AVEN: variants seen among roughly 807,000 people sequenced by gnomAD.
AVEN encodes the protein apoptosis and caspase activation inhibitor, also known as cell death regulator Aven.
A neutral mutation model predicts 38.1 loss-of-function variants in AVEN; 41 were observed. The observed-to-expected ratio is 1.08, with a 90% CI of 0.84 to 1.40. The LOEUF is 1.40. Among genes scored for constraint, AVEN ranks in the 40% most tolerant of loss-of-function variants. The pLI, the probability that AVEN is intolerant of heterozygous loss-of-function variation, is 0.00. For synonymous variants in AVEN, 206 were observed against 171.8 expected (o/e 1.20, Z -1.56); for missense variants, 605 against 438.8 (o/e 1.38, Z -3.38).
Position 34,053,319 on chromosome 15 carries a change from AATAT to A in AVEN, n.1637+9599_1637+9602del, listed in dbSNP as rs71119922. 6.6e-3 allele frequency among the ~76,000 whole-genome samples: 276 copies of A among 42,056 alleles called. 8 individuals carry two copies. Among genetic ancestry groups the A allele is most frequent in the African/African-American group, 0.014 (180 of 12,560 alleles). 27.6% of individuals were successfully genotyped at this position (42,056 alleles called of 152,430 possible). A position where few individuals can be genotyped will look rare whatever the true frequency, so the allele number is the denominator to read the frequency against. ...CATCTCAAAAAAAAAAAAAAAAAAA[AATAT>A]ATATATATATATATATATATGGAAC... On this transcript the variant is annotated intron_variant and non_coding_transcript_variant, in intron 5 of 11. Coordinates refer to the AVEN transcript ENST00000675287.
At chr15:33,977,972 A>G (rs1257965648) in intron 2 of AVEN, among the ~76,000 whole-genome samples, 1 of 150,828 alleles carries the variant, frequency 6.6e-6, no homozygotes, top group East Asian at 2.0e-4. Context: ...AGAGAAAGAG[A>G]AAAGGAAAAA....
chr15:33,896,955 T>C (rs779321913), intron 2 of AVEN, among the ~76,000 whole-genome samples: 2 of 152,112 alleles, frequency 1.3e-5, no homozygotes, highest in Non-Finnish European at 2.9e-5. Context: ...TAGCGTGCAA[T>C]GACACTCAAA....
chr15:33,875,275 G>A (rs957771624), intron 3 of AVEN, among the ~76,000 whole-genome samples: 3 of 152,168 alleles, frequency 2.0e-5, no homozygotes, highest in Admixed American at 1.3e-4. Flanking sequence ...GAGTTGGGGA[G>A]CATATCACAA....
chr15:33,857,962 C>T, downstream of AVEN: 2 of 1,605,924 alleles, frequency 1.2e-6, no homozygotes, highest in Non-Finnish European at 1.7e-6. Context: ...GCGGGGCCAC[C>T]CCGCCCCACC....
chr15:34,007,827 A>G (rs900049027), intron 1 of AVEN, among the ~76,000 whole-genome samples: 1 of 152,176 alleles, frequency 6.6e-6, no homozygotes, highest in African/African-American at 2.4e-5. Flanking sequence ...GGGAGAATCT[A>G]TTCCATGACC....
Position 33,940,628 on chromosome 15 carries a change from G to A in AVEN, c.445+62404C>T, listed in dbSNP as rs190753202. ...ACGATCTCAGCTCACTGCAACCTCC[G>A]CCTCTCGGGTTCAAGCGATTCTCCT... On this transcript the variant is annotated intron_variant, in intron 2 of 5. Transcript: ENST00000306730. Among the ~76,000 whole-genome samples the A allele has an allele frequency of 1.9e-3, 295 of 152,004 alleles. 2 individuals carry two copies. Among genetic ancestry groups the A allele is most frequent in the Middle Eastern group, 0.017 (5 of 294 alleles).
chr15:33,976,972 A>G (rs901738754), intron 2 of AVEN, among the ~76,000 whole-genome samples: 1 of 152,210 alleles, frequency 6.6e-6, no homozygotes, highest in African/African-American at 2.4e-5. Flanking sequence ...GAAGGAAACC[A>G]ATTCCCAGCA....
At chr15:33,959,174 C>A (rs1054563787) in intron 2 of AVEN, among the ~76,000 whole-genome samples, 1 of 152,138 alleles carries the variant, frequency 6.6e-6, no homozygotes, top group Non-Finnish European at 1.5e-5. Flanking sequence ...GAAACATCAC[C>A]TCATTTGTGA....
chr15:33,905,840 A>G (rs1350596339), intron 2 of AVEN, among the ~76,000 whole-genome samples: 1 of 130,692 alleles, frequency 7.7e-6, no homozygotes, highest in Admixed American at 7.8e-5. Flanking sequence ...AAAAAAAAAA[A>G]AAAGGTAAAA....
chr15:34,011,247 C>A (rs1897625650), intron 1 of AVEN, among the ~76,000 whole-genome samples: 1 of 151,964 alleles, frequency 6.6e-6, no homozygotes, highest in East Asian at 1.9e-4. Flanking sequence ...GCAGGGGGAA[C>A]TACGCTAGCA....
chr15:34,069,010 A>G (rs1290873337), intron 2 of AVEN, among the ~76,000 whole-genome samples: 5 of 151,458 alleles, frequency 3.3e-5, no homozygotes, highest in Admixed American at 6.6e-5. Flanking sequence ...ACGGGGTTTC[A>G]CCGTGTTAGC....
downstream of AVEN, chr15:33,865,053 C>CACAAAGA: frequency 9.1e-7 from 1 of 1,093,874 alleles, no homozygotes; most frequent in East Asian, 2.4e-5. Context: ...TAAAGGGAGC[C>CACAAAGA]ACAAAGAACA....
intron 1 of AVEN, among the ~76,000 whole-genome samples, chr15:34,009,490 C>T (rs1897544645): frequency 6.6e-6 from 1 of 151,908 alleles, no homozygotes. Flanking sequence ...AATCAATATC[C>T]AACTACAGCT....
rs1329271917 is a variant in AVEN at position 33,866,370 on chromosome 15, A to AGTCT, written c.*239_*242dup. Reference sequence around the variant, plus strand: ...GAAGGAGGCTAGAAACAAGGGCCAGAGTCTATCTCCTGCCCTTAAGGAAAT... The same window carrying AGTCT: ...GAAGGAGGCTAGAAACAAGGGCCAGAGTCTGTCTATCTCCTGCCCTTAAGGAAAT... On this transcript the variant is annotated 3_prime_UTR_variant, in exon 6 of 6. Coordinates refer to ENST00000306730, the MANE Select transcript of AVEN (RefSeq NM_020371.3). 3.7e-6 allele frequency: 2 copies of AGTCT among 538,384 alleles called. No homozygotes were observed. Among genetic ancestry groups the AGTCT allele is most frequent in the African/African-American group, 1.9e-5 (1 of 52,818 alleles). 33.4% of individuals were successfully genotyped at this position (538,384 alleles called of 1,614,324 possible). A position where few individuals can be genotyped will look rare whatever the true frequency, so the allele number is the denominator to read the frequency against.
In AVEN at chr15:34,064,415, T is replaced by C. The variant is rs565088108; in HGVS notation, n.1127-983A>G. The C allele has an allele frequency of 1.0e-5, 14 of 1,382,960 alleles. No homozygotes were observed. In the African/African-American group the frequency reaches 2.0e-4, roughly 20 times the overall value. The allele number at this position is 1,382,960 out of a possible 1,614,324, so 85.7% of individuals were successfully genotyped here. On this transcript the variant is annotated intron_variant and non_coding_transcript_variant, in intron 4 of 11. Coordinates refer to the AVEN transcript ENST00000675287. ...TTTGTATATTTTCAAAAAGAAGACA[T>C]CTCATTTTGAGTCCTTGAAGATTTT...
At chr15:33,901,584 C>G (rs957353971) in intron 2 of AVEN, among the ~76,000 whole-genome samples, 1 of 152,176 alleles carries the variant, frequency 6.6e-6, no homozygotes, top group Non-Finnish European at 1.5e-5. Flanking sequence ...TATTTAGGAA[C>G]CTCCATACTG....
chr15:34,027,521 T>C (rs1370142898), intron 1 of AVEN, among the ~76,000 whole-genome samples: 2 of 123,184 alleles, frequency 1.6e-5, no homozygotes, highest in East Asian at 2.2e-4. Flanking sequence ...AAAGAGAGAC[T>C]CTGTCTCAAA....
At chr15:33,858,189 C>T (rs988160715), downstream of AVEN, 20 of 381,432 alleles carry the variant, frequency 5.2e-5, no homozygotes, top group South Asian at 1.3e-4. Flanking sequence ...CATCTATTTC[C>T]GGGGTAAAGA....
At chr15:34,057,894 C>G (rs115043636) in intron 5 of AVEN, among the ~76,000 whole-genome samples, 2,669 of 152,292 alleles carry the variant, frequency 0.018, 77 homozygotes, top group African/African-American at 0.061. Flanking sequence ...GGTGATGTTA[C>G]CACTGTAAAT....
Sources: allele counts gnomAD v4.1 joint callset (sites outside exome capture counted in the v4.1 genomes callset), GRCh38; gene constraint gnomAD v4.1.1; transcripts MANE v1.5; gene names NCBI Gene and HGNC (gene_info 2026-07-23, HGNC 2026-07-21).